Variants in BABAM2 observed in about 807,000 individuals in gnomAD.
BABAM2 encodes BRISC and BRCA1 A complex member 2.
In BABAM2, 31 loss-of-function variants were observed where a neutral mutation model predicts 54.7. That is an observed-to-expected ratio of 0.57 (90% CI 0.43 to 0.77). BABAM2 has a LOEUF of 0.77. BABAM2 is among the 30% of genes least tolerant of loss of function. The pLI, the probability that BABAM2 is intolerant of heterozygous loss-of-function variation, is 0.00. For synonymous variants in BABAM2, 167 were observed against 162.9 expected (o/e 1.03, Z -0.19); for missense variants, 364 against 455.8 (o/e 0.80, Z 1.83).
intron 8 of BABAM2, among the ~76,000 whole-genome samples, chr2:28,238,686 C>A (rs1216880096): frequency 6.6e-6 from 1 of 152,122 alleles, no homozygotes; most frequent in Non-Finnish European, 1.5e-5. Flanking sequence ...GATCGGAGGA[C>A]AGAATTCTTA....
intron 6 of BABAM2, among the ~76,000 whole-genome samples, chr2:28,056,377 T>A (rs1198850062): frequency 1.3e-5 from 2 of 152,230 alleles, no homozygotes; most frequent in Non-Finnish European, 2.9e-5. Flanking sequence ...TAACATCAGA[T>A]TGTATGCCTT....
intron 4 of BABAM2, among the ~76,000 whole-genome samples, chr2:27,999,077 G>A (rs1428156086): frequency 2.0e-5 from 3 of 151,920 alleles, no homozygotes. Flanking sequence ...TTACCTTTTT[G>A]TCTTCTGTAC....
At chr2:27,982,415 C>T (rs1157645064) in intron 3 of BABAM2, among the ~76,000 whole-genome samples, 2 of 152,010 alleles carry the variant, frequency 1.3e-5, no homozygotes, top group Non-Finnish European at 2.9e-5. Flanking sequence ...GAAAGCATTG[C>T]CTAGCCCAAA....
intron 7 of BABAM2, among the ~76,000 whole-genome samples, chr2:28,159,292 G>T (rs568108978): frequency 6.6e-6 from 1 of 152,290 alleles, no homozygotes; most frequent in East Asian, 1.9e-4. Context: ...GCAGAGTCAG[G>T]CACAGAAGTA....
intron 2 of BABAM2, among the ~76,000 whole-genome samples, chr2:27,902,866 T>C (rs1665893958): frequency 6.6e-6 from 1 of 151,856 alleles, no homozygotes; most frequent in Non-Finnish European, 1.5e-5. Context: ...TTTTCTTTTT[T>C]AGATTTGAAT....
intron 11 of BABAM2, among the ~76,000 whole-genome samples, chr2:28,333,936 T>TA (rs1031823535): frequency 2.4e-4 from 36 of 152,352 alleles, no homozygotes; most frequent in African/African-American, 8.2e-4. Flanking sequence ...TTTTCTCTGA[T>TA]AAAAAGTGAA....
At chr2:28,270,771 G>A (rs1297562473) in intron 10 of BABAM2, among the ~76,000 whole-genome samples, 4 of 152,162 alleles carry the variant, frequency 2.6e-5, no homozygotes, top group Non-Finnish European at 2.9e-5. Flanking sequence ...CATGATTGCC[G>A]TTCTATAGCA....
At chr2:28,161,575 C>T (rs771446524) in intron 7 of BABAM2, among the ~76,000 whole-genome samples, 6 of 152,176 alleles carry the variant, frequency 3.9e-5, no homozygotes, top group Non-Finnish European at 8.8e-5. Flanking sequence ...CCAAACTCTT[C>T]CCCTTTTCAA....
At chr2:28,200,332 C>T (rs1266660559) in intron 7 of BABAM2, among the ~76,000 whole-genome samples, 1 of 152,180 alleles carries the variant, frequency 6.6e-6, no homozygotes, top group Non-Finnish European at 1.5e-5. Flanking sequence ...TCCCTTATTA[C>T]CCTCTACTAA....
At chr2:28,176,841 C>CA (rs370551860) in intron 7 of BABAM2, among the ~76,000 whole-genome samples, 3,713 of 49,338 alleles carry the variant, frequency 0.075, 69 homozygotes, top group South Asian at 0.16. Context: ...CCAGTCAGAA[C>CA]AAAAAAAAAA....
chr2:27,980,427 C>T (rs898031), intron 3 of BABAM2, among the ~76,000 whole-genome samples: 42,508 of 152,036 alleles, frequency 0.28, 6,374 homozygotes, highest in South Asian at 0.51. Context: ...TATAACTCCC[C>T]AGGTGTCCAG....
At chr2:28,221,076 C>T (rs1435217944) in intron 7 of BABAM2, among the ~76,000 whole-genome samples, 1 of 152,086 alleles carries the variant, frequency 6.6e-6, no homozygotes, top group Non-Finnish European at 1.5e-5. Context: ...TCTCTCCTTT[C>T]ACCACCGCTG....
chr2:28,090,926 C>A (rs1293338682), intron 6 of BABAM2, among the ~76,000 whole-genome samples: 5 of 151,138 alleles, frequency 3.3e-5, no homozygotes, highest in Non-Finnish European at 5.9e-5. Context: ...TATTTTCCTG[C>A]ATTTTGGGAG....
At chr2:28,048,209 T>C (rs1199597703) in intron 6 of BABAM2, among the ~76,000 whole-genome samples, 1 of 152,238 alleles carries the variant, frequency 6.6e-6, no homozygotes, top group African/African-American at 2.4e-5. Context: ...ATTGATTTGC[T>C]ACAATGACAT....
chr2:28,224,916 C>A (rs563256194), intron 7 of BABAM2, among the ~76,000 whole-genome samples: 9 of 150,704 alleles, frequency 6.0e-5, no homozygotes, highest in African/African-American at 9.8e-5. Flanking sequence ...TGGTTGCATT[C>A]CTTTATTTGA....
chr2:28,284,623 AT>A (rs1165490945), intron 10 of BABAM2, among the ~76,000 whole-genome samples: 3 of 152,132 alleles, frequency 2.0e-5, no homozygotes, highest in African/African-American at 4.8e-5. Flanking sequence ...TAGAGCTATG[AT>A]TTTTTATTTG....
At chr2:28,228,006 A>G (rs2148032087) in intron 7 of BABAM2, among the ~76,000 whole-genome samples, 2 of 152,222 alleles carry the variant, frequency 1.3e-5, no homozygotes, top group Non-Finnish European at 2.9e-5. Flanking sequence ...TCCAGCTTGG[A>G]CAAATCATCC....
At chr2:28,261,773 C>T (rs1684560919) in intron 10 of BABAM2, among the ~76,000 whole-genome samples, 1 of 144,618 alleles carries the variant, frequency 6.9e-6, no homozygotes, top group Admixed American at 6.9e-5. Flanking sequence ...CCTTTCCCCT[C>T]CCCTCCCCTC....
At chr2:28,222,728 G>A (rs1281217140) in intron 7 of BABAM2, among the ~76,000 whole-genome samples, 1 of 152,200 alleles carries the variant, frequency 6.6e-6, no homozygotes, top group African/African-American at 2.4e-5. Context: ...AATTAAATTG[G>A]CATTGTCCTT....
Sources: allele counts gnomAD v4.1 joint callset (sites outside exome capture counted in the v4.1 genomes callset), GRCh38; gene constraint gnomAD v4.1.1; transcripts MANE v1.5; gene names NCBI Gene and HGNC (gene_info 2026-07-23, HGNC 2026-07-21).